The following ALPL variants were observed in gnomAD, a reference collection of about 807,000 sequenced individuals.
ALPL encodes alkaline phosphatase, tissue-nonspecific isozyme.
In ALPL, 42 loss-of-function variants were observed where a neutral mutation model predicts 51.3. The observed-to-expected ratio is 0.82, with a 90% CI of 0.64 to 1.06. The LOEUF (loss-of-function observed/expected upper bound fraction) is 1.06. ALPL is among the 50% of genes least tolerant of loss of function. The pLI is 0.00. For synonymous variants in ALPL, 279 were observed against 296.4 expected (o/e 0.94, Z 0.60); for missense variants, 589 against 709.4 (o/e 0.83, Z 1.93).
intron 5 of ALPL, among the ~76,000 whole-genome samples, chr1:21,563,641 A>T (rs1644518695): frequency 6.6e-6 from 1 of 152,150 alleles, no homozygotes; most frequent in African/African-American, 2.4e-5. Context: ...CCTCCTCAGA[A>T]TTGGGAGGCC....
At chr1:21,560,007 T>C (rs565183237) in intron 2 of ALPL, among the ~76,000 whole-genome samples, 4 of 152,264 alleles carry the variant, frequency 2.6e-5, no homozygotes, top group African/African-American at 9.6e-5. Flanking sequence ...AGATGCAGAA[T>C]GTCGTCCTTG....
At chr1:21,539,444 G>A (rs1644152236) in intron 1 of ALPL, among the ~76,000 whole-genome samples, 1 of 152,174 alleles carries the variant, frequency 6.6e-6, no homozygotes, top group African/African-American at 2.4e-5. Context: ...AATAGTCTCA[G>A]TTTGAAATAT....
intron 1 of ALPL, among the ~76,000 whole-genome samples, chr1:21,525,083 T>G (rs1403191490): frequency 1.3e-5 from 2 of 152,256 alleles, no homozygotes; most frequent in African/African-American, 4.8e-5. Context: ...CTGGTTTGTG[T>G]GAGAACTTTG....
chr1:21,547,135 G>T (rs1182528196), intron 1 of ALPL, among the ~76,000 whole-genome samples: 1 of 152,246 alleles, frequency 6.6e-6, no homozygotes, highest in African/African-American at 2.4e-5. Context: ...CTCAGCAGGT[G>T]CTCTGTAGGT....
intron 1 of ALPL, among the ~76,000 whole-genome samples, chr1:21,513,800 G>T (rs1001522788): frequency 6.6e-6 from 1 of 152,204 alleles, no homozygotes; most frequent in African/African-American, 2.4e-5. Flanking sequence ...TCTCTTGAAA[G>T]ATCAGAAGAT....
chr1:21,547,181 G>A (rs1644263446), intron 1 of ALPL, among the ~76,000 whole-genome samples: 1 of 152,360 alleles, frequency 6.6e-6, no homozygotes, highest in South Asian at 2.1e-4. Flanking sequence ...AAAGTTGAAT[G>A]AACAAGCATC....
chr1:21,556,021 C>T (rs1644408914), intron 2 of ALPL, among the ~76,000 whole-genome samples: 1 of 152,160 alleles, frequency 6.6e-6, no homozygotes, highest in Non-Finnish European at 1.5e-5. Context: ...GATCCGCCTG[C>T]CTTGGCCTCC....
chr1:21,555,831 C>T (rs1248192988), intron 2 of ALPL, among the ~76,000 whole-genome samples: 2 of 151,944 alleles, frequency 1.3e-5, no homozygotes, highest in Non-Finnish European at 2.9e-5. Context: ...AGTGCAGTGG[C>T]GCAATCTTGG....
intron 1 of ALPL, among the ~76,000 whole-genome samples, chr1:21,536,655 C>T (rs902142397): frequency 2.6e-5 from 4 of 152,118 alleles, no homozygotes; most frequent in African/African-American, 9.7e-5. Flanking sequence ...ACAGAGTCTT[C>T]CAGCTGGAGC....
intron 1 of ALPL, among the ~76,000 whole-genome samples, chr1:21,542,171 G>T (rs1644195030): frequency 1.3e-5 from 2 of 152,204 alleles, no homozygotes; most frequent in African/African-American, 4.8e-5. Context: ...TGACTCTGCA[G>T]CTGAAATGTT....
chr1:21,567,967 TG>T, intron 6 of ALPL, 136 bp from the exon 7 acceptor site: 1 of 1,160,942 alleles, frequency 8.6e-7, no homozygotes, highest in Non-Finnish European at 1.3e-6. Flanking sequence ...CAGAGATGAC[TG>T]AGGCCTGGCT....
chr1:21,575,948 G>C, intron 10 of ALPL, 24 bp downstream of exon 10: 7 of 1,613,930 alleles, frequency 4.3e-6, no homozygotes, highest in Non-Finnish European at 5.9e-6. Context: ...CTTTGGGGTG[G>C]ACACTCCTGG....
intron 1 of ALPL, among the ~76,000 whole-genome samples, chr1:21,522,806 G>C (rs1361409941): frequency 6.6e-6 from 1 of 152,170 alleles, no homozygotes; most frequent in South Asian, 2.1e-4. Flanking sequence ...CTCGGTGCTG[G>C]GGGGACTTTA....
chr1:21,539,397 A>C (rs1308887927), intron 1 of ALPL, among the ~76,000 whole-genome samples: 1 of 152,230 alleles, frequency 6.6e-6, no homozygotes, highest in Non-Finnish European at 1.5e-5. Flanking sequence ...AATCTTATGA[A>C]TACGATGACA....
rs180814584 is a variant in ALPL, at chr1:21,512,128, T to C, written c.-105+2611T>C. On this transcript the variant is annotated intron_variant, in intron 1 of 11. Coordinates refer to ENST00000374840, the MANE Select transcript of ALPL (RefSeq NM_000478.6). ...GAGAACCAGCACTCAGAAATCTCCA[T>C]GTGGCCACAGGAATGCTGACTTGGC... 1.1e-3 allele frequency among the ~76,000 whole-genome samples: 163 copies of C among 152,280 alleles called. 3 individuals are homozygous for C. Among genetic ancestry groups the C allele is most frequent in the Admixed American group, 9.3e-3 (142 of 15,296 alleles).
intron 1 of ALPL, among the ~76,000 whole-genome samples, chr1:21,513,230 G>T (rs1643726680): frequency 6.6e-6 from 1 of 152,156 alleles, no homozygotes; most frequent in Non-Finnish European, 1.5e-5. Flanking sequence ...GAGAGGAGAA[G>T]AGGCTTGCCC....
At position 21,564,235 on chromosome 1, in the gene ALPL, C is replaced by T; in HGVS notation, c.648+19C>T. On this transcript the variant is annotated intron_variant, in intron 6 of 11. Transcript: ENST00000374840. This position sits in a 1 kb window ranked among gnomAD's most constrained non-coding sequence, Gnocchi z 5.8. ...CATTGACGTGAGTGCTCGGGGGCAG[C>T]CGGGCAGGGACGGGGTGAGGCGGGG... 2 of 1,612,508 alleles carry T rather than the reference C, an allele frequency of 1.2e-6. No individual in the cohort carries two copies. Among genetic ancestry groups the T allele is most frequent in the Non-Finnish European group, 1.7e-6 (2 of 1,179,716 alleles).
intron 1 of ALPL, among the ~76,000 whole-genome samples, chr1:21,513,245 T>C (rs1570153029): frequency 6.6e-6 from 1 of 152,130 alleles, no homozygotes; most frequent in East Asian, 1.9e-4. Context: ...TTGCCCAGGG[T>C]CACACAATTG....
intron 1 of ALPL, among the ~76,000 whole-genome samples, chr1:21,521,586 G>T (rs1199513752): frequency 6.6e-6 from 1 of 152,202 alleles, no homozygotes; most frequent in Admixed American, 6.5e-5. Flanking sequence ...TGTGACTCTT[G>T]AGCCACTCAA....
Sources: allele counts gnomAD v4.1 joint callset (sites outside exome capture counted in the v4.1 genomes callset), GRCh38; gene constraint gnomAD v4.1.1; non-coding constraint Gnocchi (gnomAD v3.1); transcripts MANE v1.5; gene names NCBI Gene and HGNC (gene_info 2026-07-23, HGNC 2026-07-21).